Variants in AMMECR1L observed in about 807,000 individuals in gnomAD.
AMMECR1L encodes the protein AMMECR1 like, also known as AMMECR1-like protein.
Under a neutral mutation model 36.8 loss-of-function variants are expected in AMMECR1L, and 4 were observed. The ratio of observed to expected loss-of-function variants is 0.11; its 90% CI spans 0.05 to 0.25. The LOEUF (loss-of-function observed/expected upper bound fraction) is 0.25. AMMECR1L is among the 10% of genes least tolerant of loss of function. The probability of loss-of-function intolerance (pLI) is 1.00; values close to 1 mark genes in which losing one functional copy is unlikely to be tolerated. For missense variants in AMMECR1L, 232 were observed against 392.1 expected, an observed-to-expected ratio of 0.59 and a Z score of 3.45; for synonymous variants, 147 against 148.0, an observed-to-expected ratio of 0.99 and a Z score of 0.05.
At chr2:127,870,164 A>C (rs1690894204) in intron 5 of AMMECR1L, among the ~76,000 whole-genome samples, 1 of 152,166 alleles carries the variant, frequency 6.6e-6, no homozygotes, top group Non-Finnish European at 1.5e-5. Context: ...AAAATACAAA[A>C]ATTAGCTGGG....
At chr2:127,883,610 C>T (rs187077746) in intron 2 of AMMECR1L, among the ~76,000 whole-genome samples, 1 of 152,260 alleles carries the variant, frequency 6.6e-6, no homozygotes, top group African/African-American at 2.4e-5. Flanking sequence ...ACTCTGAAAA[C>T]TCTCTCCTAA....
In AMMECR1L at chr2:127,873,989, T is replaced by C. The variant is rs753486706; in HGVS notation, c.246A>G (p.Ala82=). The C allele has an allele frequency of 7.4e-6, 12 of 1,614,232 alleles. No homozygotes were observed. The highest frequency in any genetic ancestry group is 2.2e-5 in the South Asian group (2 of 91,082). ...GGGGAAGAGGGCTCAGCGCTCCCGATGCGGGATTCATTCGTGTGATGGGAG... is the reference window on the plus strand; with the variant it reads ...GGGGAAGAGGGCTCAGCGCTCCCGACGCGGGATTCATTCGTGTGATGGGAG... ...GNSPITRMNP[A]SGALSPLPRP... Residue 82 remains alanine, a synonymous_variant, in exon 3 of 8, where the codon GCA becomes GCG. Transcript: ENST00000272647. This position sits in a 1 kb window ranked among gnomAD's most constrained non-coding sequence, Gnocchi z 5.2.
intron 1 of AMMECR1L, among the ~76,000 whole-genome samples, 189 bp from the exon 2 acceptor site, chr2:127,884,501 C>T (rs1043691126): frequency 6.6e-6 from 1 of 152,132 alleles, no homozygotes; most frequent in Non-Finnish European, 1.5e-5. Flanking sequence ...GCCGTGAAGT[C>T]CCATGCCCTG....
In AMMECR1L at chr2:127,865,234, G is replaced by C. The variant is rs777868138; in HGVS notation, c.822-29C>G. Reference sequence around the variant, plus strand: ...TATGAGGAAACAGGAAAGGGTATTAGGAACCCCAAACGCTTCATTTTGTAA... The same window carrying C: ...TATGAGGAAACAGGAAAGGGTATTACGAACCCCAAACGCTTCATTTTGTAA... On this transcript the variant is annotated intron_variant, in intron 7 of 7. Transcript: ENST00000272647. The surrounding 1 kb of genome is among the most constrained non-coding windows in gnomAD (Gnocchi z 5.4). The C allele has an allele frequency of 2.0e-6, 3 of 1,537,564 alleles. No homozygotes were observed. In the Admixed American group the frequency reaches 5.3e-5, roughly 27 times the overall value.
chr2:127,880,754 T>C (rs1691458310), intron 2 of AMMECR1L, among the ~76,000 whole-genome samples: 1 of 147,724 alleles, frequency 6.8e-6, no homozygotes. Flanking sequence ...GCACCTAACA[T>C]GGTGCCCTAC....
intron 2 of AMMECR1L, among the ~76,000 whole-genome samples, chr2:127,879,631 A>T (rs1349486201): frequency 3.3e-5 from 5 of 152,210 alleles, no homozygotes; most frequent in African/African-American, 1.2e-4. Flanking sequence ...AAGACTTCTT[A>T]AACATCAACC....
At chr2:127,867,641 G>A (rs1349362969) in intron 6 of AMMECR1L, among the ~76,000 whole-genome samples, 1 of 152,134 alleles carries the variant, frequency 6.6e-6, no homozygotes, top group African/African-American at 2.4e-5. Flanking sequence ...AGCTACTCAG[G>A]AGGCTGAGGT....
At chr2:127,884,932 G>C (rs1167235643) in intron 1 of AMMECR1L, 2 of 153,834 alleles carry the variant, frequency 1.3e-5, no homozygotes, top group African/African-American at 4.8e-5. Context: ...CATCTCCTGT[G>C]GGTGGGAGAG....
In AMMECR1L at chr2:127,866,905, G is replaced by A. The variant is rs1690711803; in HGVS notation, c.816C>T (p.Leu272=). ...ITSEFRKTIK[L]TRYRSEKVTI... is the part of the protein sequence containing the mutation. ...AAAACAAGACAATGGCTTACCTGGT[G>A]AGTTTGATCGTTTTTCTGAATTCAC... The change falls in exon 7 of 8, where the codon CTC becomes CTT. Residue 272 remains leucine (L), a synonymous_variant. Coordinates refer to ENST00000272647, the MANE Select transcript of AMMECR1L (RefSeq NM_001199140.2). 1 of 1,613,834 alleles carries A rather than the reference G, an allele frequency of 6.2e-7. No homozygotes were observed. Among genetic ancestry groups the A allele is most frequent in the Non-Finnish European group, 8.5e-7 (1 of 1,179,682 alleles).
intron 2 of AMMECR1L, among the ~76,000 whole-genome samples, chr2:127,884,000 G>A (rs1313660303): frequency 6.6e-6 from 1 of 152,126 alleles, no homozygotes; most frequent in Non-Finnish European, 1.5e-5. Flanking sequence ...ACTCTAATGG[G>A]AGTATGAAAA....
chr2:127,869,521 A>G lies in AMMECR1L; in HGVS notation c.657T>C (p.Ile219=), dbSNP rs147772907. 4.3e-6 allele frequency: 7 copies of G among 1,613,974 alleles called. No individual in the cohort carries two copies. The highest frequency in any genetic ancestry group is 3.3e-5 in the Admixed American group (2 of 60,004). Residue 219 remains isoleucine, a synonymous_variant, in exon 6 of 8, where the codon ATT becomes ATC. Transcript: ENST00000272647. This position sits in a 1 kb window ranked among gnomAD's most constrained non-coding sequence, Gnocchi z 4.7. ...DWEVGVHGIR[I]EFINEKGVKR... is the part of the protein sequence containing the mutation. ...TGACACCTTTTTCATTAATGAATTCAATTCGAATCCCATGGACCCCTACCT... is the reference window on the plus strand; with the variant it reads ...TGACACCTTTTTCATTAATGAATTCGATTCGAATCCCATGGACCCCTACCT...
intron 7 of AMMECR1L, among the ~76,000 whole-genome samples, chr2:127,866,341 G>C (rs952651425): frequency 8.5e-5 from 13 of 152,132 alleles, no homozygotes; most frequent in African/African-American, 2.7e-4. Context: ...TTACAGACAG[G>C]GAACAGGCTC....
rs748562684 is a variant in AMMECR1L at position 127,863,038 on chromosome 2, AATTT to A, written c.*2052_*2055del. Reference sequence around the variant, plus strand: ...TGCTCAGGGGTGAAGGTTTAGCACCAATTTTTTTGCTTTTTTTAATCTTTAGAAA... The same window carrying A: ...TGCTCAGGGGTGAAGGTTTAGCACCATTTTGCTTTTTTTAATCTTTAGAAA... On this transcript the variant is annotated 3_prime_UTR_variant, in exon 8 of 8. Transcript: ENST00000272647. 2 of 152,556 alleles carry A rather than the reference AATTT, an allele frequency of 1.3e-5. No homozygotes were observed. The highest frequency in any genetic ancestry group is 2.9e-5 in the Non-Finnish European group (2 of 68,032). 9.5% of individuals were successfully genotyped at this position (152,556 alleles called of 1,614,324 possible). A position where few individuals can be genotyped will look rare whatever the true frequency, so the allele number is the denominator to read the frequency against.
In AMMECR1L at chr2:127,873,481, A is replaced by G. The variant is rs1481657157; in HGVS notation, c.407+347T>C. On this transcript the variant is annotated intron_variant, in intron 3 of 7. Transcript: ENST00000272647. This position sits in a 1 kb window ranked among gnomAD's most constrained non-coding sequence, Gnocchi z 5.2. Reference sequence around the variant, plus strand: ...ACTTCCAACTCACCTGGACTTCAACACTATGGGTGTCCCCAATGGTATGGC... The same window carrying G: ...ACTTCCAACTCACCTGGACTTCAACGCTATGGGTGTCCCCAATGGTATGGC... The G allele has an allele frequency of 1.0e-6, 1 of 985,334 alleles. No individual in the cohort carries two copies. The highest frequency in any genetic ancestry group is 1.7e-5 in the African/African-American group (1 of 57,242). The allele number at this position is 985,334 out of a possible 1,614,324, so 61.0% of individuals were successfully genotyped here.
intron 2 of AMMECR1L, among the ~76,000 whole-genome samples, chr2:127,883,664 T>C (rs1163479993): frequency 6.6e-6 from 1 of 152,216 alleles, no homozygotes; most frequent in East Asian, 1.9e-4. Flanking sequence ...GGCACAGCAG[T>C]CATAATTTTT....
rs1271097061 is a variant in AMMECR1L at position 127,871,375 on chromosome 2, C to G, written c.408-16G>C. The G allele has an allele frequency of 3.7e-6, 6 of 1,610,720 alleles. No individual in the cohort carries two copies. The highest frequency in any genetic ancestry group is 4.2e-6 in the Non-Finnish European group (5 of 1,178,670). On this transcript the variant is annotated splice_polypyrimidine_tract_variant and intron_variant, in intron 3 of 7. Transcript: ENST00000272647. This position sits in a 1 kb window ranked among gnomAD's most constrained non-coding sequence, Gnocchi z 4.3. ...AAAGAGCGGACTAAAAAAAGCAAAA[C>G]ACAAAACATTCTCCAGCCCCAAATT...
chr2:127,866,812 A>G, intron 7 of AMMECR1L, 88 bp downstream of exon 7: 1 of 1,268,070 alleles, frequency 7.9e-7, no homozygotes, highest in South Asian at 1.3e-5. Flanking sequence ...ACATTCACAG[A>G]GAACACTTCT....
Position 127,871,675 on chromosome 2 carries a change from C to T in AMMECR1L, c.408-316G>A, listed in dbSNP as rs1412102888. ...TCTGCCCAAGACTCAACTTTTCCTT[C>T]GAATTCTCCAGTTTCCTCTTCCCTA... On this transcript the variant is annotated intron_variant, in intron 3 of 7. Transcript: ENST00000272647. The surrounding 1 kb of genome is among the most constrained non-coding windows in gnomAD (Gnocchi z 4.3). 2.0e-5 allele frequency among the ~76,000 whole-genome samples: 3 copies of T among 152,100 alleles called. No individual in the cohort carries two copies. The highest frequency in any genetic ancestry group is 7.2e-5 in the African/African-American group (3 of 41,404).
intron 2 of AMMECR1L, among the ~76,000 whole-genome samples, chr2:127,877,108 T>A (rs1345340457): frequency 6.6e-6 from 1 of 151,190 alleles, no homozygotes; most frequent in African/African-American, 2.4e-5. Context: ...ATCAATACTT[T>A]TAGCTGCTCT....
Sources: gnomAD v4.1 joint callset for allele counts (sites outside exome capture counted in the v4.1 genomes callset) on GRCh38, gnomAD v4.1.1 for gene constraint, Gnocchi (gnomAD v3.1) non-coding constraint, MANE v1.5 for transcripts, NCBI Gene and HGNC (gene_info 2026-07-23, HGNC 2026-07-21) for gene names.